The following PPP1R12B variants were observed in gnomAD, a reference collection of about 807,000 sequenced individuals.
PPP1R12B encodes the protein myosin phosphatase target subunit 2.
In PPP1R12B, 76 loss-of-function variants were observed where a neutral mutation model predicts 126.1. The observed-to-expected ratio is 0.60, with a 90% CI of 0.50 to 0.73. The LOEUF is 0.73. Ranked by LOEUF, PPP1R12B falls within the 30% of genes least tolerant of loss-of-function variation. PPP1R12B has a pLI of 0.00. For missense variants in PPP1R12B, 1,052 were observed against 1,205.1 expected (o/e 0.87, Z 1.88); for synonymous variants, 356 against 434.7 (o/e 0.82, Z 2.25).
At chr1:202,376,133 G>A (rs985381669) in intron 1 of PPP1R12B, among the ~76,000 whole-genome samples, 4 of 152,122 alleles carry the variant, frequency 2.6e-5, no homozygotes, top group African/African-American at 9.7e-5. Context: ...ATCAGAGTTG[G>A]AATAATCAGA....
chr1:202,449,109 A>C lies in PPP1R12B; in HGVS notation c.1788A>C (p.Thr596=), dbSNP rs1172251282. The change falls in exon 13 of 24, where the codon ACA becomes ACC. Residue 596 remains threonine (T), a synonymous_variant. Coordinates refer to ENST00000608999, the MANE Select transcript of PPP1R12B (RefSeq NM_002481.4). Reference sequence around the variant, plus strand: ...TTCCTAGCACTGCCAATGGGGTTACAGCTACTCCTGTGCTCTCCATTACTG... The same window carrying C: ...TTCCTAGCACTGCCAATGGGGTTACCGCTACTCCTGTGCTCTCCATTACTG... ...RPLPSTANGV[T]ATPVLSITGT... The C allele has an allele frequency of 6.2e-7, 1 of 1,613,802 alleles. No individual in the cohort carries two copies.
intron 21 of PPP1R12B, among the ~76,000 whole-genome samples, chr1:202,566,593 A>T (rs1193636812): frequency 1.3e-5 from 2 of 152,224 alleles, no homozygotes; most frequent in East Asian, 3.8e-4. Context: ...TGAAATCATC[A>T]CAACTTCTAC....
At chr1:202,407,432 T>C (rs1051877497) in intron 1 of PPP1R12B, among the ~76,000 whole-genome samples, 1 of 152,224 alleles carries the variant, frequency 6.6e-6, no homozygotes, top group African/African-American at 2.4e-5. Flanking sequence ...TGGAAAATTC[T>C]TTACTTCTGC....
At chr1:202,478,038 T>C (rs1382123135) in intron 13 of PPP1R12B, among the ~76,000 whole-genome samples, 1 of 152,234 alleles carries the variant, frequency 6.6e-6, no homozygotes, top group Non-Finnish European at 1.5e-5. Context: ...TGAGACTGTA[T>C]CTGTCTTCTT....
intron 1 of PPP1R12B, among the ~76,000 whole-genome samples, chr1:202,406,357 AG>A (rs2148581204): frequency 6.6e-6 from 1 of 152,360 alleles, no homozygotes; most frequent in African/African-American, 2.4e-5. Context: ...TTTTGCATTT[AG>A]TCTAGTTAGG....
chr1:202,447,935 A>G (rs1672478905), intron 12 of PPP1R12B, among the ~76,000 whole-genome samples: 2 of 152,122 alleles, frequency 1.3e-5, no homozygotes, highest in Admixed American at 6.5e-5. Context: ...CTGGAGAAGT[A>G]GCATGTGTTT....
intron 13 of PPP1R12B, 141 bp downstream of exon 13, chr1:202,449,312 G>A: frequency 7.3e-7 from 1 of 1,367,082 alleles, no homozygotes; most frequent in Non-Finnish European, 9.6e-7. Context: ...GCCTCACTCT[G>A]TCGCCCAGGC....
At chr1:202,471,963 G>T (rs1340240343) in intron 13 of PPP1R12B, 1 of 1,596,762 alleles carries the variant, frequency 6.3e-7, no homozygotes, top group Non-Finnish European at 8.5e-7. Context: ...CAAAACTACC[G>T]TTTGTGCATG....
At chr1:202,365,221 G>A (rs1211650641) in intron 1 of PPP1R12B, among the ~76,000 whole-genome samples, 1 of 152,084 alleles carries the variant, frequency 6.6e-6, no homozygotes, top group Non-Finnish European at 1.5e-5. Context: ...ATGCCAAGGC[G>A]AGAGGATCAC....
intron 23 of PPP1R12B, among the ~76,000 whole-genome samples, chr1:202,572,106 C>T (rs1688660996): frequency 6.6e-6 from 1 of 152,210 alleles, no homozygotes; most frequent in Admixed American, 6.5e-5. Flanking sequence ...GCTCTTCATT[C>T]AGACTATGGT....
intron 18 of PPP1R12B, among the ~76,000 whole-genome samples, chr1:202,550,883 T>C (rs1314987470): frequency 6.6e-6 from 1 of 152,220 alleles, no homozygotes; most frequent in African/African-American, 2.4e-5. Context: ...CCTTAGTATA[T>C]CCATATATTT....
At chr1:202,516,645 A>G (rs1176858023) in intron 18 of PPP1R12B, among the ~76,000 whole-genome samples, 2 of 152,184 alleles carry the variant, frequency 1.3e-5, no homozygotes, top group South Asian at 2.1e-4. Context: ...AAATCCTCAT[A>G]AAGGCTTAAA....
chr1:202,446,248 A>T (rs1340170188), intron 12 of PPP1R12B, among the ~76,000 whole-genome samples: 45 of 60,674 alleles, frequency 7.4e-4, no homozygotes, highest in African/African-American at 3.5e-3. Context: ...ATATATATAT[A>T]TATATATATT....
Position 202,440,741 on chromosome 1 carries a change from A to G in PPP1R12B, c.1494A>G (p.Ala498=). The part of the protein sequence containing the change: ...RENKSYISSL[A]PRKLNSTSDI... ...ACAAAAGCTATATTAGTTCACTAGC[A>G]CCCCGGAAGCTCAACAGCACAAGTG... Residue 498 remains alanine (A), a synonymous_variant, in exon 11 of 24, where the codon GCA becomes GCG. Transcript: ENST00000608999. 1.9e-6 allele frequency: 3 copies of G among 1,613,990 alleles called. No homozygotes were observed. Among genetic ancestry groups the G allele is most frequent in the Non-Finnish European group, 2.5e-6 (3 of 1,179,898 alleles).
rs568837076 is a variant in PPP1R12B at position 202,560,686 on chromosome 1, C to T, written c.2507+1793C>T. Among the ~76,000 whole-genome samples the T allele has an allele frequency of 1.2e-4, 18 of 152,160 alleles. No homozygotes were observed. The East Asian group carries it at 1.3e-3, about 11-fold the overall frequency. On this transcript the variant is annotated intron_variant, in intron 19 of 23. Coordinates refer to ENST00000608999, the MANE Select transcript of PPP1R12B (RefSeq NM_002481.4). ...TCCTATCTCATTCAGTGACTTAAAACGCCTTAACCGTCTGGGAATGCAGCC... is the reference window on the plus strand; with the variant it reads ...TCCTATCTCATTCAGTGACTTAAAATGCCTTAACCGTCTGGGAATGCAGCC...
Position 202,349,067 on chromosome 1 carries a change from C to T in PPP1R12B, c.216C>T (p.Asp72=). The change falls in exon 1 of 24, where the codon GAC becomes GAT. Residue 72 remains aspartate (D), a synonymous_variant. Coordinates refer to ENST00000608999, the MANE Select transcript of PPP1R12B (RefSeq NM_002481.4). ...FLAACSSGDT[D]EVRKLLARGA... is the part of the protein sequence containing the mutation. ...CCGCCTGCTCTAGCGGGGACACCGACGAGGTGAGAAAGCTTCTGGCAAGAG... is the reference window on the plus strand; with the variant it reads ...CCGCCTGCTCTAGCGGGGACACCGATGAGGTGAGAAAGCTTCTGGCAAGAG... 1.9e-6 allele frequency: 3 copies of T among 1,614,118 alleles called. No homozygotes were observed. The highest frequency in any genetic ancestry group is 2.2e-5 in the East Asian group (1 of 44,876).
At chr1:202,512,070 A>G (rs1402119100) in intron 18 of PPP1R12B, among the ~76,000 whole-genome samples, 2 of 152,206 alleles carry the variant, frequency 1.3e-5, no homozygotes, top group Non-Finnish European at 1.5e-5. Context: ...GAGTCAGAAG[A>G]CTGGGTGAGA....
rs1169802564 is a variant in PPP1R12B, at chr1:202,584,454, TACTG to T, written c.*3899_*3902del. 8 of 152,360 alleles carry T rather than the reference TACTG, an allele frequency of 5.3e-5. No homozygotes were observed. The highest frequency in any genetic ancestry group is 1.9e-4 in the African/African-American group (8 of 41,582). 9.4% of individuals were successfully genotyped at this position (152,360 alleles called of 1,614,324 possible). ...GGATCCCACGAAAGTGTGTGTAAAC[TACTG>T]ACTGTTTCTCCACTAGAGGCATTTA... On this transcript the variant is annotated 3_prime_UTR_variant, in exon 24 of 24. Coordinates refer to ENST00000608999, the MANE Select transcript of PPP1R12B (RefSeq NM_002481.4).
intron 18 of PPP1R12B, among the ~76,000 whole-genome samples, chr1:202,558,297 C>CTT (rs753434842): frequency 6.9e-6 from 1 of 145,688 alleles, no homozygotes. Flanking sequence ...AGAGTACCTA[C>CTT]TTTTTTTTTT....
Sources: gnomAD v4.1 joint callset for allele counts (sites outside exome capture counted in the v4.1 genomes callset) on GRCh38, gnomAD v4.1.1 for gene constraint, MANE v1.5 for transcripts, NCBI Gene and HGNC (gene_info 2026-07-23, HGNC 2026-07-21) for gene names.